The following KIF21A variants were observed in gnomAD, a reference collection of about 807,000 sequenced individuals.
KIF21A encodes the protein kinesin family member 21A, also known as kinesin-like protein KIF21A.
KIF21A carries 114 observed loss-of-function variants against 202.9 expected under a neutral mutation model. That is an observed-to-expected ratio of 0.56 (90% CI 0.48 to 0.66). The LOEUF (loss-of-function observed/expected upper bound fraction) is 0.66, where lower values mean the gene tolerates loss of function less well. Among genes scored for constraint, KIF21A ranks in the 30% least tolerant of loss-of-function variants. The probability of loss-of-function intolerance (pLI) is 0.00; values close to 1 mark genes in which losing one functional copy is unlikely to be tolerated. For missense variants in KIF21A, 1,677 were observed against 1,994.9 expected (o/e 0.84, Z 3.04); for synonymous variants, 667 against 670.8 (o/e 0.99, Z 0.09).
At chr12:39,374,347 A>G (rs1465784878) in intron 1 of KIF21A, among the ~76,000 whole-genome samples, 2 of 152,218 alleles carry the variant, frequency 1.3e-5, no homozygotes, top group African/African-American at 4.8e-5. Flanking sequence ...TATGTAAAAA[A>G]TAAGATCATT....
intron 31 of KIF21A, among the ~76,000 whole-genome samples, chr12:39,314,541 A>G (rs1944329242): frequency 6.6e-6 from 1 of 151,848 alleles, no homozygotes; most frequent in South Asian, 2.1e-4. Flanking sequence ...CAAAAAGCTG[A>G]TTGTAAGAAA....
chr12:39,317,127 C>T (rs1944639102), intron 29 of KIF21A, among the ~76,000 whole-genome samples: 1 of 152,088 alleles, frequency 6.6e-6, no homozygotes. Context: ...AAGAACATAT[C>T]TTCTACTAAT....
In KIF21A at chr12:39,433,043, G is replaced by A. The variant is rs1444839731; in HGVS notation, c.44+9884C>T. ...TTAAAACAGACTAAAAAGAAATATA[G>A]CAAAATGCTAGTAGTAATTGTATTA... On this transcript the variant is annotated intron_variant, in intron 1 of 37. Coordinates refer to ENST00000361418, the MANE Select transcript of KIF21A (RefSeq NM_001173464.2). 2.0e-5 allele frequency among the ~76,000 whole-genome samples: 3 copies of A among 152,102 alleles called. No individual in the cohort carries two copies. In the East Asian group the frequency reaches 5.8e-4, roughly 29 times the overall value.
chr12:39,391,365 T>C (rs1951336198), intron 1 of KIF21A, among the ~76,000 whole-genome samples: 1 of 152,150 alleles, frequency 6.6e-6, no homozygotes, highest in African/African-American at 2.4e-5. Flanking sequence ...AGCGATACTA[T>C]CTATCTAAAT....
At chr12:39,315,309 A>C in intron 30 of KIF21A, 69 bp from the exon 31 acceptor site, 1 of 1,382,086 alleles carries the variant, frequency 7.2e-7, no homozygotes, top group South Asian at 1.2e-5. Flanking sequence ...ACATAAAATG[A>C]TAATGGTGAA....
intron 1 of KIF21A, among the ~76,000 whole-genome samples, chr12:39,409,577 T>C (rs531800517): frequency 6.6e-6 from 1 of 151,430 alleles, no homozygotes; most frequent in East Asian, 1.9e-4. Context: ...GAGAGGAATA[T>C]TTCATAATGA....
intron 1 of KIF21A, among the ~76,000 whole-genome samples, chr12:39,394,645 C>T (rs553900193): frequency 6.6e-6 from 1 of 152,212 alleles, no homozygotes; most frequent in Non-Finnish European, 1.5e-5. Context: ...ATATATTTCA[C>T]TGAGTAGAAG....
At chr12:39,335,851 G>A (rs961775120) in intron 17 of KIF21A, among the ~76,000 whole-genome samples, 1 of 152,050 alleles carries the variant, frequency 6.6e-6, no homozygotes, top group African/African-American at 2.4e-5. Context: ...GAGAAAAAAA[G>A]AAATAAACAT....
At position 39,340,210 on chromosome 12, in the gene KIF21A, T is replaced by C. The variant is rs574131368; in HGVS notation, c.2265A>G (p.Gln755=). 38 of 1,613,118 alleles carry C rather than the reference T, an allele frequency of 2.4e-5. No individual in the cohort carries two copies. The East Asian group carries it at 7.8e-4, about 33-fold the overall frequency. The change falls in exon 16 of 38, where the codon CAA becomes CAG. Residue 755 remains glutamine (Q), a synonymous_variant. Coordinates refer to ENST00000361418, the MANE Select transcript of KIF21A (RefSeq NM_001173464.2). ...TCACATCCTGCTGCAATTTCTTCAA[T>C]TGCTTTTCATACTGAGACTGATTTT... The part of the protein sequence containing the change: ...LLKNQSQYEK[Q]LKKLQQDVME...
At chr12:39,417,312 C>T (rs374855876) in intron 1 of KIF21A, among the ~76,000 whole-genome samples, 35 of 152,060 alleles carry the variant, frequency 2.3e-4, no homozygotes, top group African/African-American at 8.2e-4. Flanking sequence ...GCCAGAATCA[C>T]GTGAGGAGAA....
intron 26 of KIF21A, among the ~76,000 whole-genome samples, chr12:39,325,065 G>T (rs1473298896): frequency 1.3e-5 from 2 of 152,086 alleles, no homozygotes; most frequent in Non-Finnish European, 2.9e-5. Context: ...ACGCATCATA[G>T]CTTCATAAAT....
At chr12:39,340,504 T>C in intron 15 of KIF21A, 140 bp from the exon 16 acceptor site, 1 of 660,744 alleles carries the variant, frequency 1.5e-6, no homozygotes, top group Non-Finnish European at 2.6e-6. Context: ...TTTCAATCAT[T>C]CTCTCTTTTA....
rs763033012 is a variant in KIF21A at position 39,332,206 on chromosome 12, T to A, written c.3051+8A>T. ...TTAAACCATTACGCTTTTTTAAAAA[T>A]TACAAACCTTTGCTTCTTCCATCTG... is the stretch of plus-strand genomic sequence containing the variant. On this transcript the variant is annotated splice_region_variant and intron_variant, in intron 21 of 37. Transcript: ENST00000361418. The A allele has an allele frequency of 6.2e-7, 1 of 1,612,354 alleles. No individual in the cohort carries two copies. Among genetic ancestry groups the A allele is most frequent in the Non-Finnish European group, 8.5e-7 (1 of 1,178,944 alleles).
chr12:39,389,460 T>C (rs559201666), intron 1 of KIF21A, among the ~76,000 whole-genome samples: 1 of 152,202 alleles, frequency 6.6e-6, no homozygotes, highest in African/African-American at 2.4e-5. Flanking sequence ...CATGGTGAAC[T>C]TGCCAGATGC....
intron 26 of KIF21A, among the ~76,000 whole-genome samples, chr12:39,324,924 C>G (rs556182428): frequency 1.3e-5 from 2 of 152,284 alleles, no homozygotes; most frequent in Admixed American, 1.3e-4. Context: ...TCTTTGTTTT[C>G]AAACATTGTA....
chr12:39,390,372 T>C (rs986395374), intron 1 of KIF21A, among the ~76,000 whole-genome samples: 2 of 152,218 alleles, frequency 1.3e-5, no homozygotes, highest in East Asian at 3.8e-4. Flanking sequence ...TAGCACTCAA[T>C]TTATGCTAAT....
chr12:39,364,922 T>C (rs570420103), intron 6 of KIF21A, among the ~76,000 whole-genome samples: 2 of 152,326 alleles, frequency 1.3e-5, no homozygotes, highest in African/African-American at 2.4e-5. Context: ...TTAAGAGTCA[T>C]GCAGCTAGAG....
chr12:39,318,151 G>C lies in KIF21A; in HGVS notation c.3830C>G (p.Pro1277Arg). Residue 1277 changes from proline (P) to arginine (R), a missense_variant, in exon 29 of 38, where the codon CCA (proline) becomes CGA (arginine). Physicochemically the swap from Pro to Arg is moderately radical, Grantham distance 103. Transcript: ENST00000361418. ...ATTCAGTTCATTACGGGGCCGGCTTGGTGGGGAAGAAGGAGGTGAAAGACT... is the reference window on the plus strand; with the variant it reads ...ATTCAGTTCATTACGGGGCCGGCTTCGTGGGGAAGAAGGAGGTGAAAGACT... Reference protein sequence around the residue: ...EASLSPPSSPPSRPRNELNVF... With the variant: ...EASLSPPSSPRSRPRNELNVF... The C allele has an allele frequency of 6.2e-7, 1 of 1,613,598 alleles. No homozygotes were observed. The highest frequency in any genetic ancestry group is 1.1e-5 in the South Asian group (1 of 91,064).
chr12:39,296,838 C>T (rs920483883), intron 37 of KIF21A, among the ~76,000 whole-genome samples: 2 of 152,216 alleles, frequency 1.3e-5, no homozygotes, highest in Admixed American at 6.5e-5. Context: ...ATGGACTCAA[C>T]TCTACATGAA....
Sources: gnomAD v4.1 joint callset for allele counts (sites outside exome capture counted in the v4.1 genomes callset) on GRCh38, gnomAD v4.1.1 for gene constraint, MANE v1.5 for transcripts, NCBI Gene and HGNC (gene_info 2026-07-23, HGNC 2026-07-21) for gene names.